The following KCND2 variants were observed in gnomAD, a reference collection of about 807,000 sequenced individuals.
The protein encoded by KCND2 is potassium voltage-gated channel subfamily D member 2.
Under a neutral mutation model 54.4 loss-of-function variants are expected in KCND2, and 16 were observed. The observed-to-expected ratio is 0.29, with a 90% CI of 0.20 to 0.45. The LOEUF (loss-of-function observed/expected upper bound fraction) is 0.45, where lower values mean the gene tolerates loss of function less well. Ranked by LOEUF, KCND2 falls within the 20% of genes least tolerant of loss-of-function variation. The pLI, the probability that KCND2 is intolerant of heterozygous loss-of-function variation, is 1.00. For synonymous variants in KCND2, 317 were observed against 310.7 expected (o/e 1.02, Z -0.21); for missense variants, 486 against 824.2 (o/e 0.59, Z 5.02).
chr7:120,721,853 G>A (rs868294448), intron 1 of KCND2, among the ~76,000 whole-genome samples: 3 of 152,116 alleles, frequency 2.0e-5, no homozygotes, highest in East Asian at 1.9e-4. Flanking sequence ...CATGTTGTGG[G>A]AGGGACCCGG....
chr7:120,393,020 A>G (rs1322362241), intron 1 of KCND2, among the ~76,000 whole-genome samples: 1 of 152,034 alleles, frequency 6.6e-6, no homozygotes, highest in Non-Finnish European at 1.5e-5. Flanking sequence ...AAACATTGTA[A>G]TAAGGATGTT....
intron 1 of KCND2, among the ~76,000 whole-genome samples, chr7:120,435,528 T>A (rs2116177130): frequency 6.6e-6 from 1 of 152,142 alleles, no homozygotes; most frequent in East Asian, 1.9e-4. Flanking sequence ...AAGAAAATCA[T>A]CTCATTTTCT....
intron 1 of KCND2, among the ~76,000 whole-genome samples, chr7:120,683,021 T>G (rs1223311109): frequency 6.6e-6 from 1 of 152,282 alleles, no homozygotes. Flanking sequence ...ACTATGCTGT[T>G]GGCTAAAACA....
chr7:120,449,525 A>G lies in KCND2; in HGVS notation c.1115+173778A>G, dbSNP rs1563049617. Among the ~76,000 whole-genome samples, 4 of 152,306 alleles carry G rather than the reference A, an allele frequency of 2.6e-5. No individual in the cohort carries two copies. The South Asian group carries it at 8.3e-4, about 32-fold the overall frequency. On this transcript the variant is annotated intron_variant, in intron 1 of 5. Coordinates refer to ENST00000331113, the MANE Select transcript of KCND2 (RefSeq NM_012281.3). The stretch of plus-strand genomic sequence containing the variant: ...CTGAATTTGTGTTTGTTTTCATAAA[A>G]CATTGGTTTATTAGGAGAGAAACAT...
chr7:120,320,421 T>G (rs1463832897), intron 1 of KCND2, among the ~76,000 whole-genome samples: 1 of 152,054 alleles, frequency 6.6e-6, no homozygotes, highest in African/African-American at 2.4e-5. Flanking sequence ...ATTTGGTATG[T>G]CTAAGGAATG....
At chr7:120,364,697 A>G (rs2116405543) in intron 1 of KCND2, among the ~76,000 whole-genome samples, 1 of 152,174 alleles carries the variant, frequency 6.6e-6, no homozygotes, top group Admixed American at 6.6e-5. Flanking sequence ...GATTCTGGCT[A>G]AACTGACCCC....
chr7:120,636,707 A>T (rs1250319265), intron 1 of KCND2, among the ~76,000 whole-genome samples: 1 of 152,148 alleles, frequency 6.6e-6, no homozygotes, highest in Non-Finnish European at 1.5e-5. Context: ...GAAAGTATGC[A>T]CTGAAGAGCT....
chr7:120,654,054 C>A (rs1393321820), intron 1 of KCND2, among the ~76,000 whole-genome samples: 1 of 152,044 alleles, frequency 6.6e-6, no homozygotes, highest in Non-Finnish European at 1.5e-5. Context: ...TATAATGTTT[C>A]TTGTGTAAAT....
intron 1 of KCND2, among the ~76,000 whole-genome samples, chr7:120,680,312 A>G (rs1667655173): frequency 6.6e-6 from 1 of 152,084 alleles, no homozygotes; most frequent in South Asian, 2.1e-4. Flanking sequence ...GCCCTTTGTC[A>G]GTATTTCTCT....
Position 120,503,885 on chromosome 7 carries a change from C to G in KCND2, c.1115+228138C>G, listed in dbSNP as rs561013563. Among the ~76,000 whole-genome samples the G allele has an allele frequency of 3.3e-5, 5 of 151,706 alleles. No homozygotes were observed. The East Asian group carries it at 9.7e-4, about 29-fold the overall frequency. ...GAAGGGACCCTTTCAAGCAAGGGAC[C>G]CTGAAGTTTCATTAGCTTCACCGCA... is the stretch of plus-strand genomic sequence containing the variant. On this transcript the variant is annotated intron_variant, in intron 1 of 5. Transcript: ENST00000331113.
chr7:120,408,271 A>G (rs1344745129), intron 1 of KCND2, among the ~76,000 whole-genome samples: 1 of 151,964 alleles, frequency 6.6e-6, no homozygotes, highest in Non-Finnish European at 1.5e-5. Flanking sequence ...GGTTAGGAAC[A>G]GTGCAGGAAG....
At chr7:120,452,839 G>A (rs1802135991) in intron 1 of KCND2, among the ~76,000 whole-genome samples, 1 of 152,278 alleles carries the variant, frequency 6.6e-6, no homozygotes, top group East Asian at 1.9e-4. Context: ...TTAGCCATGG[G>A]GTAACTGTAG....
chr7:120,308,758 A>G (rs1404878883), intron 1 of KCND2, among the ~76,000 whole-genome samples: 1 of 152,310 alleles, frequency 6.6e-6, no homozygotes, highest in East Asian at 1.9e-4. Flanking sequence ...AATTTTGTCC[A>G]TGGCCAATTA....
At chr7:120,732,253 T>C (rs1260903677) in intron 1 of KCND2, among the ~76,000 whole-genome samples, 1 of 151,912 alleles carries the variant, frequency 6.6e-6, no homozygotes, top group African/African-American at 2.4e-5. Context: ...GATGGAGAAG[T>C]GGTAGCCAAT....
chr7:120,365,661 C>T (rs1800665419), intron 1 of KCND2, among the ~76,000 whole-genome samples: 1 of 152,058 alleles, frequency 6.6e-6, no homozygotes, highest in East Asian at 1.9e-4. Context: ...ATTGAGATGT[C>T]AATCGTACAA....
intron 1 of KCND2, among the ~76,000 whole-genome samples, chr7:120,302,267 G>A (rs1471405372): frequency 6.6e-6 from 1 of 152,044 alleles, no homozygotes; most frequent in East Asian, 1.9e-4. Flanking sequence ...TTGTTTGTTT[G>A]TTGTTGTTGT....
At chr7:120,632,146 T>A (rs1793241302) in intron 1 of KCND2, among the ~76,000 whole-genome samples, 1 of 152,176 alleles carries the variant, frequency 6.6e-6, no homozygotes, top group African/African-American at 2.4e-5. Context: ...CAGTAAATTA[T>A]ATTCATAATG....
chr7:120,518,487 T>C (rs1803231209), intron 1 of KCND2, among the ~76,000 whole-genome samples: 1 of 152,180 alleles, frequency 6.6e-6, no homozygotes, highest in South Asian at 2.1e-4. Context: ...TGATGATTCT[T>C]CATTTGGTAG....
At chr7:120,603,849 C>T (rs937236987) in intron 1 of KCND2, among the ~76,000 whole-genome samples, 33 of 152,114 alleles carry the variant, frequency 2.2e-4, no homozygotes, top group African/African-American at 7.7e-4. Flanking sequence ...GAAATGCAAT[C>T]CAAATTATAC....
Sources: gnomAD v4.1 joint callset for allele counts (sites outside exome capture counted in the v4.1 genomes callset) on GRCh38, gnomAD v4.1.1 for gene constraint, MANE v1.5 for transcripts, NCBI Gene and HGNC (gene_info 2026-07-23, HGNC 2026-07-21) for gene names.